The following STYXL2 variants were observed in gnomAD, a reference collection of about 807,000 sequenced individuals.
STYXL2 encodes serine/threonine/tyrosine-interacting-like protein 2.
Under a neutral mutation model 52.4 loss-of-function variants are expected in STYXL2, and 44 were observed. The observed-to-expected ratio is 0.84, with a 90% CI of 0.66 to 1.08. The LOEUF (loss-of-function observed/expected upper bound fraction) is 1.08. STYXL2 is among the 50% of genes least tolerant of loss of function. The pLI is 0.00. For synonymous variants in STYXL2, 604 were observed against 586.9 expected, an observed-to-expected ratio of 1.03 and a Z score of -0.42; for missense variants, 1,604 against 1,471.7, an observed-to-expected ratio of 1.09 and a Z score of -1.47.
chr1:167,115,646 C>G (rs1352446501), intron 3 of STYXL2, among the ~76,000 whole-genome samples: 3 of 152,012 alleles, frequency 2.0e-5, no homozygotes, highest in Admixed American at 1.3e-4. Context: ...TAAGTAGACA[C>G]GGGAAGGGGA....
At chr1:167,099,444 T>G (rs1301833599) in intron 2 of STYXL2, among the ~76,000 whole-genome samples, 1 of 152,258 alleles carries the variant, frequency 6.6e-6, no homozygotes, top group East Asian at 1.9e-4. Flanking sequence ...GATCATATAC[T>G]GGGCCATACA....
intron 5 of STYXL2, among the ~76,000 whole-genome samples, chr1:167,123,442 G>A (rs1667899788): frequency 6.6e-6 from 1 of 152,198 alleles, no homozygotes. Flanking sequence ...GAAGTGAGTT[G>A]GTCTCGTGAT....
intron 2 of STYXL2, among the ~76,000 whole-genome samples, chr1:167,102,124 T>C (rs1012713410): frequency 1.3e-5 from 2 of 151,454 alleles, no homozygotes; most frequent in Non-Finnish European, 2.9e-5. Context: ...CAGAAAGCAG[T>C]TTAATGGTTG....
chr1:167,116,763 T>G (rs1667732703), intron 3 of STYXL2, among the ~76,000 whole-genome samples: 1 of 149,708 alleles, frequency 6.7e-6, no homozygotes, highest in Non-Finnish European at 1.5e-5. Flanking sequence ...GTGATTCTCC[T>G]GCCTCAGCCT....
chr1:167,101,054 A>C (rs1018152845), intron 2 of STYXL2, among the ~76,000 whole-genome samples: 1 of 152,236 alleles, frequency 6.6e-6, no homozygotes, highest in Non-Finnish European at 1.5e-5. Flanking sequence ...ACTTGGAGAA[A>C]ATATTTTCAA....
chr1:167,123,598 T>C (rs1667902586), intron 5 of STYXL2, among the ~76,000 whole-genome samples: 1 of 152,236 alleles, frequency 6.6e-6, no homozygotes, highest in African/African-American at 2.4e-5. Flanking sequence ...CTTCTATAGA[T>C]GCTCCTTATA....
In STYXL2 at chr1:167,100,943, A is replaced by C. The variant is rs1051406508; in HGVS notation, c.110+5984A>C. Reference sequence around the variant, plus strand: ...TTACATTTGCACAGGCTTTGGAGCTATCATCCAATCGATCCCACTTTACTT... The same window carrying C: ...TTACATTTGCACAGGCTTTGGAGCTCTCATCCAATCGATCCCACTTTACTT... On this transcript the variant is annotated intron_variant, in intron 2 of 5. Coordinates refer to ENST00000361200, the MANE Select transcript of STYXL2 (RefSeq NM_001080426.3). Among the ~76,000 whole-genome samples, 3 of 152,234 alleles carry C rather than the reference A, an allele frequency of 2.0e-5. No homozygotes were observed. In the South Asian group the frequency reaches 6.2e-4, roughly 32 times the overall value.
rs1220092153 is a variant in STYXL2 at position 167,125,831 on chromosome 1, G to A, written c.700G>A (p.Val234Met). 1.2e-6 allele frequency: 2 copies of A among 1,612,938 alleles called. No individual in the cohort carries two copies. The highest frequency in any genetic ancestry group is 1.3e-5 in the African/African-American group (1 of 74,854). ...SSEMGISRSA[V>M]LVVAYLMIFH... is the part of the protein sequence containing the mutation. ...CGAAATGGGCATCAGCCGGTCAGCA[G>A]TGCTGGTGGTCGCCTACCTGATGAT... The change falls in exon 6 of 6, where the codon GTG becomes ATG. Residue 234 changes from valine to methionine, a missense_variant. Transcript: ENST00000361200.
chr1:167,117,642 CA>C, intron 4 of STYXL2, 83 bp downstream of exon 4: 3 of 1,291,662 alleles, frequency 2.3e-6, no homozygotes, highest in Non-Finnish European at 3.2e-6. Context: ...CAACTTTCAC[CA>C]AAGGCGCCCA....
At chr1:167,111,724 A>G (rs1445194965) in intron 2 of STYXL2, among the ~76,000 whole-genome samples, 3 of 151,818 alleles carry the variant, frequency 2.0e-5, no homozygotes, top group Admixed American at 6.6e-5. Flanking sequence ...GAATGATACA[A>G]TGGACTTTGG....
chr1:167,126,345 C>A lies in STYXL2; in HGVS notation c.1214C>A (p.Ala405Glu). 6.5e-7 allele frequency: 1 copy of A among 1,533,380 alleles called. No homozygotes were observed. Among genetic ancestry groups the A allele is most frequent in the Middle Eastern group, 1.7e-4 (1 of 5,850 alleles). 95.0% of individuals were successfully genotyped at this position (1,533,380 alleles called of 1,614,324 possible). A position where few individuals can be genotyped will look rare whatever the true frequency, so the allele number is the denominator to read the frequency against. Residue 405 changes from alanine (A) to glutamate (E), a missense_variant, in exon 6 of 6, where the codon GCA (alanine) becomes GAA (glutamate). By Grantham distance (107) the Ala-to-Glu change is moderately radical. Coordinates refer to ENST00000361200, the MANE Select transcript of STYXL2 (RefSeq NM_001080426.3). The stretch of plus-strand genomic sequence containing the variant: ...CAGAGCCGAAACGAGAGGTACCAAG[C>A]AGAAGGGTACCGGAGGTGGGGAAGG... Reference protein sequence around the residue: ...EWQSRNERYQAEGYRRWGREE... With the variant: ...EWQSRNERYQEEGYRRWGREE...
At chr1:167,110,697 C>T (rs192315485) in intron 2 of STYXL2, among the ~76,000 whole-genome samples, 119 of 152,290 alleles carry the variant, frequency 7.8e-4, no homozygotes, top group African/African-American at 2.7e-3. Context: ...ATTGTGTTTT[C>T]TACCTTGGTG....
At chr1:167,121,621 G>C (rs1453505062) in intron 5 of STYXL2, among the ~76,000 whole-genome samples, 2 of 152,252 alleles carry the variant, frequency 1.3e-5, no homozygotes, top group African/African-American at 4.8e-5. Context: ...AGGCGGAGTC[G>C]GTGCCAGGAG....
At chr1:167,120,167 TG>T (rs1667820822) in intron 5 of STYXL2, among the ~76,000 whole-genome samples, 1 of 152,158 alleles carries the variant, frequency 6.6e-6, no homozygotes, top group African/African-American at 2.4e-5. Flanking sequence ...AGTAGTGCTT[TG>T]GGGTTGCTAT....
intron 3 of STYXL2, among the ~76,000 whole-genome samples, chr1:167,114,046 G>T (rs1202477628): frequency 1.3e-5 from 2 of 152,052 alleles, no homozygotes; most frequent in Non-Finnish European, 2.9e-5. Flanking sequence ...CTGTCCCTAG[G>T]GCCTCCTGCT....
chr1:167,115,180 T>C (rs1036928382), intron 3 of STYXL2, among the ~76,000 whole-genome samples: 1 of 152,248 alleles, frequency 6.6e-6, no homozygotes, highest in Non-Finnish European at 1.5e-5. Context: ...TTTTCTATTC[T>C]TCCCTTCTCT....
chr1:167,116,647 T>G (rs1667728530), intron 3 of STYXL2, among the ~76,000 whole-genome samples: 1 of 121,388 alleles, frequency 8.2e-6, no homozygotes, highest in Non-Finnish European at 1.6e-5. Context: ...CTTTTTTTTT[T>G]TTGGTTTTTT....
In STYXL2 at chr1:167,117,567, T is replaced by G; in HGVS notation, c.437+8T>G. 1.3e-6 allele frequency: 2 copies of G among 1,580,668 alleles called. No individual in the cohort carries two copies. Among genetic ancestry groups the G allele is most frequent in the Non-Finnish European group, 1.7e-6 (2 of 1,161,852 alleles). On this transcript the variant is annotated splice_region_variant and intron_variant, in intron 4 of 5. Transcript: ENST00000361200. ...TGTCTTCATAGCTGAGAAGTGAGTC[T>G]GACTGCTCTTCATGACCCTTTGTCC... is the stretch of plus-strand genomic sequence containing the variant.
At chr1:167,119,160 T>C (rs1361111356) in intron 4 of STYXL2, 89 bp from the exon 5 acceptor site, 21 of 1,272,442 alleles carry the variant, frequency 1.7e-5, no homozygotes, top group Non-Finnish European at 2.1e-5. Context: ...GCTGTGGCCC[T>C]AGACTGGCTG....
Sources: allele counts gnomAD v4.1 joint callset (sites outside exome capture counted in the v4.1 genomes callset), GRCh38; gene constraint gnomAD v4.1.1; transcripts MANE v1.5; gene names NCBI Gene and HGNC (gene_info 2026-07-23, HGNC 2026-07-21).